B3GAT2: variants seen among roughly 807,000 people sequenced by gnomAD.
B3GAT2 encodes the protein galactosylgalactosylxylosylprotein 3-beta-glucuronosyltransferase 2.
Under a neutral mutation model 27.8 loss-of-function variants are expected in B3GAT2, and 26 were observed. That is an observed-to-expected ratio of 0.93 (90% CI 0.68 to 1.30). The LOEUF is 1.30. Among genes scored for constraint, B3GAT2 ranks in the 50% most tolerant of loss-of-function variants. B3GAT2 has a pLI of 0.00. For synonymous variants in B3GAT2, 218 were observed against 195.1 expected (o/e 1.12, Z -0.98); for missense variants, 458 against 459.0 (o/e 1.00, Z 0.02).
chr6:70,870,507 G>A (rs532752027), intron 2 of B3GAT2, among the ~76,000 whole-genome samples: 53 of 151,234 alleles, frequency 3.5e-4, no homozygotes, highest in Admixed American at 5.9e-4. Context: ...AAACCTGCAC[G>A]TTGTGCACAT....
intron 1 of B3GAT2, among the ~76,000 whole-genome samples, chr6:70,903,621 A>G (rs1582369647): frequency 6.6e-6 from 1 of 152,186 alleles, no homozygotes; most frequent in African/African-American, 2.4e-5. Flanking sequence ...ATCACCCATT[A>G]CAGAAATGGA....
chr6:70,888,688 C>T (rs550923701), intron 2 of B3GAT2, among the ~76,000 whole-genome samples: 2 of 152,156 alleles, frequency 1.3e-5, no homozygotes, highest in Admixed American at 6.5e-5. Flanking sequence ...TCTCCAATGT[C>T]CACAGAAATG....
At chr6:70,916,949 A>C (rs1772783399) in intron 1 of B3GAT2, among the ~76,000 whole-genome samples, 3 of 151,938 alleles carry the variant, frequency 2.0e-5, no homozygotes, top group Admixed American at 2.0e-4. Flanking sequence ...TTTTCTATTG[A>C]TTGGAATAGT....
chr6:70,931,257 C>T lies in B3GAT2; in HGVS notation c.591+24582G>A, dbSNP rs113199932. Among the ~76,000 whole-genome samples, 545 of 152,074 alleles carry T rather than the reference C, an allele frequency of 3.6e-3. 6 individuals are homozygous for T. The highest frequency in any genetic ancestry group is 0.012 in the African/African-American group (515 of 41,464). On this transcript the variant is annotated intron_variant, in intron 1 of 3. Transcript: ENST00000230053. ...AAATGATGAGTTAATGGGTGCAGCA[C>T]ACCAACGTGGCACATATATACATAT... is the stretch of plus-strand genomic sequence containing the variant.
At chr6:70,912,636 CCTTATATCAGGATGATGCT>C (rs1772706532) in intron 1 of B3GAT2, among the ~76,000 whole-genome samples, 1 of 41,878 alleles carries the variant, frequency 2.4e-5, no homozygotes, top group African/African-American at 1.3e-4. Flanking sequence ...ATGAAGCTGG[CCTTATATCAGGATGATGCT>C]GGCCTTATAT....
At chr6:70,865,534 A>T (rs562168276) in intron 2 of B3GAT2, among the ~76,000 whole-genome samples, 11 of 152,320 alleles carry the variant, frequency 7.2e-5, no homozygotes, top group African/African-American at 2.4e-4. Context: ...TGCCTAGGTT[A>T]TATGTAAACA....
At chr6:70,868,306 A>G (rs1186700581) in intron 2 of B3GAT2, among the ~76,000 whole-genome samples, 4 of 152,194 alleles carry the variant, frequency 2.6e-5, no homozygotes, top group African/African-American at 7.2e-5. Flanking sequence ...GATCCTGGCC[A>G]TTTAAATAAG....
chr6:70,949,749 G>A (rs1259343526), intron 1 of B3GAT2, among the ~76,000 whole-genome samples: 2 of 151,740 alleles, frequency 1.3e-5, no homozygotes, highest in East Asian at 1.9e-4. Context: ...AAAGACACAT[G>A]CACATGTATG....
At position 70,890,784 on chromosome 6, in the gene B3GAT2, GTTGTGTT is replaced by G. The variant is rs147212036; in HGVS notation, c.736+3337_736+3343del. On this transcript the variant is annotated intron_variant, in intron 2 of 3. Transcript: ENST00000230053. ...TCAGAATCTAATTGCAGTACACCTA[GTTGTGTT>G]TTTAGCAGAATAAAGTACCTACTGT... Among the ~76,000 whole-genome samples the G allele has an allele frequency of 2.1e-3, 321 of 152,326 alleles. 5 individuals carry two copies. The highest frequency in any genetic ancestry group is 7.6e-3 in the African/African-American group (318 of 41,576).
Position 70,858,030 on chromosome 6 carries a change from G to A in B3GAT2, c.*3633C>T, listed in dbSNP as rs1337614969. The A allele has an allele frequency of 6.2e-7, 1 of 1,614,120 alleles. No individual in the cohort carries two copies. Among genetic ancestry groups the A allele is most frequent in the South Asian group, 1.1e-5 (1 of 91,082 alleles). On this transcript the variant is annotated 3_prime_UTR_variant, in exon 4 of 4. Transcript: ENST00000230053. ...GTGCCTGCAGCTCCTGGCCTTATAGGAAATGTGATGGGACAGAGTCCAAGC... is the reference window on the plus strand; with the variant it reads ...GTGCCTGCAGCTCCTGGCCTTATAGAAAATGTGATGGGACAGAGTCCAAGC...
chr6:70,860,389 G>A lies in B3GAT2; in HGVS notation c.*1274C>T, dbSNP rs564021927. The A allele has an allele frequency of 2.5e-5, 39 of 1,561,674 alleles. No homozygotes were observed. The African/African-American group carries it at 3.0e-4, about 12-fold the overall frequency. ...ACCACCTGACATTCCTTGCTGAAACGCATCTAGTTCCCCTGTTTATTCATA... is the reference window on the plus strand; with the variant it reads ...ACCACCTGACATTCCTTGCTGAAACACATCTAGTTCCCCTGTTTATTCATA... On this transcript the variant is annotated 3_prime_UTR_variant, in exon 4 of 4. Transcript: ENST00000230053.
At chr6:70,890,078 G>A (rs996857902) in intron 2 of B3GAT2, among the ~76,000 whole-genome samples, 73 of 152,166 alleles carry the variant, frequency 4.8e-4, no homozygotes, top group African/African-American at 1.7e-3. Flanking sequence ...TACCATGCCC[G>A]TCCAGAAACC....
At chr6:70,878,657 A>C (rs543819235) in intron 2 of B3GAT2, among the ~76,000 whole-genome samples, 27 of 146,878 alleles carry the variant, frequency 1.8e-4, no homozygotes, top group Non-Finnish European at 3.1e-4. Context: ...GGTGCATTAC[A>C]TACTTTTTTT....
chr6:70,918,608 A>G (rs1772815948), intron 1 of B3GAT2, among the ~76,000 whole-genome samples: 1 of 152,212 alleles, frequency 6.6e-6, no homozygotes, highest in African/African-American at 2.4e-5. Flanking sequence ...AAAATCTCTC[A>G]GCATTTGCTT....
At chr6:70,954,845 C>G (rs1765624739) in intron 1 of B3GAT2, among the ~76,000 whole-genome samples, 1 of 139,526 alleles carries the variant, frequency 7.2e-6, no homozygotes, top group South Asian at 2.3e-4. Context: ...GCAGGCTACA[C>G]ACACACACAC....
At chr6:70,925,629 G>C (rs977484594) in intron 1 of B3GAT2, among the ~76,000 whole-genome samples, 6 of 148,432 alleles carry the variant, frequency 4.0e-5, no homozygotes, top group Admixed American at 6.6e-5. Flanking sequence ...GGCTTGACTA[G>C]GTAAACGAAG....
At chr6:70,865,111 A>G (rs1015332742) in intron 2 of B3GAT2, among the ~76,000 whole-genome samples, 3 of 152,170 alleles carry the variant, frequency 2.0e-5, no homozygotes, top group Non-Finnish European at 2.9e-5. Flanking sequence ...AAAAATGACA[A>G]TACAACAAGA....
Position 70,861,420 on chromosome 6 carries a change from T to TTTAG in B3GAT2, c.*239_*242dup, listed in dbSNP as rs1433829973. On this transcript the variant is annotated 3_prime_UTR_variant, in exon 4 of 4. Coordinates refer to ENST00000230053, the MANE Select transcript of B3GAT2 (RefSeq NM_080742.3). The stretch of plus-strand genomic sequence containing the variant: ...GGCACTGTACAAAAAAATCTTCCAA[T>TTTAG]TTAGTTGTTGTAGAGAAAACATGCA... The TTTAG allele has an allele frequency of 2.1e-6, 1 of 485,444 alleles. No homozygotes were observed. The highest frequency in any genetic ancestry group is 3.7e-6 in the Non-Finnish European group (1 of 270,330). The allele number at this position is 485,444 out of a possible 1,614,324, so 30.1% of individuals were successfully genotyped here.
At chr6:70,922,727 A>G (rs1772890560) in intron 1 of B3GAT2, among the ~76,000 whole-genome samples, 1 of 152,184 alleles carries the variant, frequency 6.6e-6, no homozygotes. Flanking sequence ...GAAGAGAGGT[A>G]GAAAAATCAA....
Sources: gnomAD v4.1 joint callset for allele counts (sites outside exome capture counted in the v4.1 genomes callset) on GRCh38, gnomAD v4.1.1 for gene constraint, MANE v1.5 for transcripts, NCBI Gene and HGNC (gene_info 2026-07-23, HGNC 2026-07-21) for gene names.